DNAH14: variants seen among roughly 807,000 people sequenced by gnomAD.
DNAH14 encodes dynein axonemal heavy chain 14.
In DNAH14, 478 loss-of-function variants were observed where a neutral mutation model predicts 520.9. The observed-to-expected ratio is 0.92, with a 90% CI of 0.85 to 0.99. DNAH14 has a LOEUF of 0.99. Among genes scored for constraint, DNAH14 ranks in the 50% least tolerant of loss-of-function variants. The probability of loss-of-function intolerance (pLI) is 0.00; values close to 1 mark genes in which losing one functional copy is unlikely to be tolerated. For synonymous variants in DNAH14, 1,581 were observed against 1,757.2 expected (o/e 0.90, Z 2.51); for missense variants, 4,831 against 5,234.5 (o/e 0.92, Z 2.38).
chr1:225,259,715 T>G (rs2092866776), intron 46 of DNAH14, among the ~76,000 whole-genome samples: 1 of 152,308 alleles, frequency 6.6e-6, no homozygotes, highest in East Asian at 1.9e-4. Flanking sequence ...TCCCCATTCC[T>G]TCCCACCTTA....
chr1:225,235,170 T>C (rs1163617603), intron 42 of DNAH14, among the ~76,000 whole-genome samples: 1 of 152,210 alleles, frequency 6.6e-6, no homozygotes, highest in Admixed American at 6.5e-5. Context: ...AGTATGATAT[T>C]GGCTGTGGGT....
intron 11 of DNAH14, chr1:225,024,206 T>C: frequency 1.0e-6 from 1 of 990,468 alleles, no homozygotes; most frequent in East Asian, 1.1e-4. Flanking sequence ...CTGGCAATTC[T>C]GTGCCTAAGT....
At chr1:225,387,594 A>T (rs2095856855) in intron 81 of DNAH14, among the ~76,000 whole-genome samples, 1 of 152,104 alleles carries the variant, frequency 6.6e-6, no homozygotes, top group Non-Finnish European at 1.5e-5. Context: ...AGACCTAAAA[A>T]CAAGTAGTTG....
At chr1:225,132,203 T>TC in intron 27 of DNAH14, among the ~76,000 whole-genome samples, 1 of 152,074 alleles carries the variant, frequency 6.6e-6, no homozygotes. Flanking sequence ...GTTTTTTTTT[T>TC]CATCAACTTT....
chr1:225,082,854 C>G (rs1411360340), intron 20 of DNAH14, 115 bp downstream of exon 20: 28 of 820,394 alleles, frequency 3.4e-5, no homozygotes, highest in South Asian at 6.1e-5. Flanking sequence ...ATAAGAGTGC[C>G]TGGGAAAATA....
chr1:225,148,888 G>T (rs895559916), intron 31 of DNAH14, among the ~76,000 whole-genome samples: 2 of 152,092 alleles, frequency 1.3e-5, no homozygotes, highest in East Asian at 3.9e-4. Context: ...CTTCCGTTCT[G>T]TGGGTTGTCT....
At position 225,119,214 on chromosome 1, in the gene DNAH14, T is replaced by G. The variant is rs2077106698; in HGVS notation, c.4092-6T>G. The G allele has an allele frequency of 6.6e-7, 1 of 1,516,258 alleles. No individual in the cohort carries two copies. Among genetic ancestry groups the G allele is most frequent in the Non-Finnish European group, 8.8e-7 (1 of 1,130,948 alleles). The allele number at this position is 1,516,258 out of a possible 1,614,324, so 93.9% of individuals were successfully genotyped here. ...TTCATGATATTATTTTTGAAACTAA[T>G]TTTAGGAAAATTCGTGTAAGAAGTG... On this transcript the variant is annotated splice_region_variant and splice_polypyrimidine_tract_variant and intron_variant, in intron 25 of 85. Transcript: ENST00000682510.
chr1:225,082,814 A>G (rs1253033915), intron 20 of DNAH14, 75 bp downstream of exon 20: 12 of 1,218,560 alleles, frequency 9.8e-6, no homozygotes, highest in Admixed American at 5.2e-5. Flanking sequence ...GAGTAAATAT[A>G]CAATGGATAG....
At chr1:225,111,379 T>C (rs143623938) in intron 23 of DNAH14, among the ~76,000 whole-genome samples, 127 of 152,276 alleles carry the variant, frequency 8.3e-4, no homozygotes, top group Non-Finnish European at 1.5e-3. Context: ...TTTATCATTA[T>C]GTAATGACTT....
At chr1:225,290,655 A>ATGTGTG (rs1558282480) in intron 55 of DNAH14, among the ~76,000 whole-genome samples, 8 of 45,890 alleles carry the variant, frequency 1.7e-4, no homozygotes, top group African/African-American at 8.0e-4. Flanking sequence ...GTGTATATAT[A>ATGTGTG]TATATATATA....
rs1190082051 is a variant in DNAH14 at position 225,103,698 on chromosome 1, C to T, written c.3867+2814C>T. Among the ~76,000 whole-genome samples the T allele has an allele frequency of 3.9e-5, 6 of 152,068 alleles. No homozygotes were observed. The East Asian group carries it at 9.7e-4, about 25-fold the overall frequency. On this transcript the variant is annotated intron_variant, in intron 23 of 85. Transcript: ENST00000682510. ...ATGATATGGCTCTCTGTTTGTCTGT[C>T]ATTGGTGTATAAGAACGCTTGTGAT...
chr1:225,311,027 T>C (rs2094353692), intron 60 of DNAH14, among the ~76,000 whole-genome samples: 1 of 152,176 alleles, frequency 6.6e-6, no homozygotes, highest in African/African-American at 2.4e-5. Flanking sequence ...TCCCACACTG[T>C]CTTCCACAAT....
At chr1:224,996,455 T>C (rs2063400509) in intron 8 of DNAH14, among the ~76,000 whole-genome samples, 1 of 152,164 alleles carries the variant, frequency 6.6e-6, no homozygotes, top group Non-Finnish European at 1.5e-5. Context: ...GTCACTGTGC[T>C]TGGTCATAGA....
intron 41 of DNAH14, among the ~76,000 whole-genome samples, chr1:225,223,583 A>G (rs1485306705): frequency 1.3e-5 from 2 of 152,182 alleles, no homozygotes; most frequent in Non-Finnish European, 2.9e-5. Context: ...CAGGCTATCA[A>G]TGCTAATTTG....
chr1:224,938,509 A>G (rs1301065498), intron 1 of DNAH14, among the ~76,000 whole-genome samples: 1 of 139,928 alleles, frequency 7.1e-6, no homozygotes, highest in Non-Finnish European at 1.7e-5. Context: ...CACTTCAGTT[A>G]AAACGACTTG....
Position 225,260,681 on chromosome 1 carries a change from A to T in DNAH14, c.7157+1428A>T, listed in dbSNP as rs1310250578. Among the ~76,000 whole-genome samples, 4 of 152,066 alleles carry T rather than the reference A, an allele frequency of 2.6e-5. No individual in the cohort carries two copies. The East Asian group carries it at 7.7e-4, about 29-fold the overall frequency. ...GGTTCCACTGGCAAAATGAAAAATGATGTTGGAATTTTGGTAGAGATTGCA... is the reference window on the plus strand; with the variant it reads ...GGTTCCACTGGCAAAATGAAAAATGTTGTTGGAATTTTGGTAGAGATTGCA... On this transcript the variant is annotated intron_variant, in intron 46 of 85. Transcript: ENST00000682510.
At chr1:225,285,534 G>T (rs1036071334) in intron 54 of DNAH14, among the ~76,000 whole-genome samples, 1 of 151,804 alleles carries the variant, frequency 6.6e-6, no homozygotes, top group South Asian at 2.1e-4. Context: ...GATAGAGCGA[G>T]ACTCTGTCTC....
At chr1:224,957,948 A>C (rs1315013874) in intron 3 of DNAH14, among the ~76,000 whole-genome samples, 1 of 152,094 alleles carries the variant, frequency 6.6e-6, no homozygotes, top group Non-Finnish European at 1.5e-5. Context: ...TATGCAAAAG[A>C]AAAAAGGAGT....
rs2094948289 is a variant in DNAH14, at chr1:225,335,458, CGT to C, written c.10081-1803_10081-1802del. On this transcript the variant is annotated intron_variant, in intron 66 of 85. Coordinates refer to ENST00000682510, the MANE Select transcript of DNAH14 (RefSeq NM_001367479.1). ...ACATGTGTGTGTATGCACATATGCA[CGT>C]GTGTACATGTGTGTGTATGCACATA... Among the ~76,000 whole-genome samples, 2 of 126,374 alleles carry C rather than the reference CGT, an allele frequency of 1.6e-5. 1 individual carries two copies. Among genetic ancestry groups the C allele is most frequent in the African/African-American group, 5.8e-5 (2 of 34,266 alleles). 82.9% of individuals were successfully genotyped at this position (126,374 alleles called of 152,430 possible).
Sources: gnomAD v4.1 joint callset for allele counts (sites outside exome capture counted in the v4.1 genomes callset) on GRCh38, gnomAD v4.1.1 for gene constraint, MANE v1.5 for transcripts, NCBI Gene and HGNC (gene_info 2026-07-23, HGNC 2026-07-21) for gene names.